Variants in LARP1 observed in about 807,000 individuals in gnomAD.
LARP1 encodes La ribonucleoprotein 1, translational regulator.
LARP1 carries 36 observed loss-of-function variants against 122.7 expected under a neutral mutation model. The ratio of observed to expected loss-of-function variants is 0.29; its 90% confidence interval spans 0.22 to 0.39. The LOEUF (loss-of-function observed/expected upper bound fraction) is 0.39. LARP1 is among the 10% of genes least tolerant of loss of function. LARP1 has a pLI of 1.00. For synonymous variants in LARP1, 539 were observed against 528.7 expected, an observed-to-expected ratio of 1.02 and a Z score of -0.27; for missense variants, 1,040 against 1,403.6, an observed-to-expected ratio of 0.74 and a Z score of 4.14.
chr5:154,713,730 C>T (rs1270846038), intron 1 of LARP1, among the ~76,000 whole-genome samples: 1 of 152,218 alleles, frequency 6.6e-6, no homozygotes, highest in Non-Finnish European at 1.5e-5. Flanking sequence ...CTCTGCAGTG[C>T]TGCCTCACAC....
At chr5:154,801,174 C>G (rs1248329180) in intron 10 of LARP1, among the ~76,000 whole-genome samples, 1 of 152,216 alleles carries the variant, frequency 6.6e-6, no homozygotes, top group Non-Finnish European at 1.5e-5. Context: ...GTCTCATATT[C>G]AGTCTATCAA....
intron 1 of LARP1, among the ~76,000 whole-genome samples, chr5:154,769,745 T>C (rs1300309840): frequency 2.0e-5 from 3 of 152,214 alleles, no homozygotes; most frequent in Non-Finnish European, 4.4e-5. Context: ...ACAAACACCC[T>C]GTGTGATCAG....
intron 1 of LARP1, among the ~76,000 whole-genome samples, chr5:154,717,513 A>G (rs1375391560): frequency 3.9e-5 from 6 of 152,348 alleles, no homozygotes; most frequent in Non-Finnish European, 7.3e-5. Context: ...GCAAGAAACC[A>G]CAAGTCTCCA....
At chr5:154,693,450 G>A (rs547257428) in intron 1 of LARP1, among the ~76,000 whole-genome samples, 2 of 152,258 alleles carry the variant, frequency 1.3e-5, no homozygotes, top group Admixed American at 6.5e-5. Flanking sequence ...ACATTGGTTC[G>A]TGATTGGCCT....
chr5:154,720,282 A>G (rs1350486140), intron 1 of LARP1, among the ~76,000 whole-genome samples: 1 of 152,180 alleles, frequency 6.6e-6, no homozygotes, highest in African/African-American at 2.4e-5. Flanking sequence ...TGATATTAAA[A>G]TATCTGTGAT....
upstream of LARP1, among the ~76,000 whole-genome samples, chr5:154,751,269 C>A (rs1249342878): frequency 6.6e-6 from 1 of 152,156 alleles, no homozygotes; most frequent in African/African-American, 2.4e-5. Flanking sequence ...TAGCTGCTGC[C>A]TATGATGCTG....
chr5:154,764,916 A>G (rs1036497128), intron 1 of LARP1, among the ~76,000 whole-genome samples: 4 of 151,898 alleles, frequency 2.6e-5, no homozygotes, highest in Non-Finnish European at 4.4e-5. Context: ...AAAAAAAAAA[A>G]AAAGAAACAA....
At chr5:154,754,172 C>T (rs560735519), upstream of LARP1, among the ~76,000 whole-genome samples, 1 of 152,206 alleles carries the variant, frequency 6.6e-6, no homozygotes, top group Non-Finnish European at 1.5e-5. Flanking sequence ...TAACTATTGT[C>T]TTCATAGATA....
chr5:154,780,922 G>C (rs1756370740), intron 1 of LARP1, among the ~76,000 whole-genome samples: 1 of 152,124 alleles, frequency 6.6e-6, no homozygotes, highest in African/African-American at 2.4e-5. Flanking sequence ...AATTAGACAG[G>C]CTTGGTGGCT....
chr5:154,702,669 T>C (rs1305560815), intron 1 of LARP1, among the ~76,000 whole-genome samples: 2 of 152,152 alleles, frequency 1.3e-5, no homozygotes, highest in Admixed American at 6.6e-5. Context: ...GACTGAGCAT[T>C]GGTGCCATTG....
In LARP1 at chr5:154,814,051, C is replaced by T; in HGVS notation, c.3246C>T (p.Ala1082=). Residue 1082 remains alanine, a synonymous_variant, in exon 19 of 19, where the codon GCC becomes GCT. Transcript: ENST00000518297. ...CCGGCCAGCCTGTCCGGGAAGATGCCAAATGGACAAGCCAGCACTCGAACA... is the reference window on the plus strand; with the variant it reads ...CCGGCCAGCCTGTCCGGGAAGATGCTAAATGGACAAGCCAGCACTCGAACA... ...PPTGQPVRED[A]KWTSQHSNTQ... 6.2e-7 allele frequency: 1 copy of T among 1,614,030 alleles called. No individual in the cohort carries two copies. Among genetic ancestry groups the T allele is most frequent in the African/African-American group, 1.3e-5 (1 of 74,996 alleles).
intron 1 of LARP1, among the ~76,000 whole-genome samples, chr5:154,728,587 C>T (rs1374242254): frequency 6.6e-6 from 1 of 152,158 alleles, no homozygotes; most frequent in African/African-American, 2.4e-5. Flanking sequence ...CACCAACCAC[C>T]AGACACAGTA....
At chr5:154,795,514 G>C (rs1311934188) in intron 8 of LARP1, among the ~76,000 whole-genome samples, 195 bp downstream of exon 8, 2 of 152,008 alleles carry the variant, frequency 1.3e-5, no homozygotes, top group Non-Finnish European at 2.9e-5. Flanking sequence ...GAAAATGTCA[G>C]ACACTTAACA....
chr5:154,793,494 A>AT, intron 4 of LARP1, 101 bp from the exon 5 acceptor site: 1 of 1,458,938 alleles, frequency 6.9e-7, no homozygotes. Flanking sequence ...CCAGATTGTG[A>AT]TTTGGGCCCA....
intron 1 of LARP1, among the ~76,000 whole-genome samples, chr5:154,758,702 T>C (rs1397541641): frequency 6.6e-6 from 1 of 152,232 alleles, no homozygotes; most frequent in African/African-American, 2.4e-5. Context: ...CAGAAATGAG[T>C]ACCTCATAAG....
upstream of LARP1, among the ~76,000 whole-genome samples, chr5:154,753,268 G>C (rs1279952162): frequency 6.6e-6 from 1 of 151,978 alleles, no homozygotes; most frequent in Non-Finnish European, 1.5e-5. Context: ...ATCTCTTCAG[G>C]GATTACTTAT....
chr5:154,796,136 A>ATATTTATATATTATATATATATTTTATG (rs1294416286), intron 8 of LARP1, among the ~76,000 whole-genome samples: 2 of 125,428 alleles, frequency 1.6e-5, no homozygotes, highest in Admixed American at 1.1e-4. Flanking sequence ...TATATTTTAT[A>ATATTTATATATTATATATATATTTTATG]TATTTATATA....
intron 1 of LARP1, among the ~76,000 whole-genome samples, chr5:154,773,763 G>GCAA (rs1755634583): frequency 1.3e-5 from 2 of 152,186 alleles, no homozygotes; most frequent in South Asian, 4.1e-4. Flanking sequence ...GTTTGTCTGG[G>GCAA]AGTACCCTCA....
chr5:154,773,354 G>A (rs951229248), intron 1 of LARP1, among the ~76,000 whole-genome samples: 1 of 152,170 alleles, frequency 6.6e-6, no homozygotes, highest in Admixed American at 6.5e-5. Flanking sequence ...AGCCACCTTA[G>A]GAAGGAAGGT....
Sources: allele counts gnomAD v4.1 joint callset (sites outside exome capture counted in the v4.1 genomes callset), GRCh38; gene constraint gnomAD v4.1.1; transcripts MANE v1.5; gene names NCBI Gene and HGNC (gene_info 2026-07-23, HGNC 2026-07-21).